The following CENPP variants were observed in gnomAD, a reference collection of about 807,000 sequenced individuals.
CENPP encodes centromere protein P.
A neutral mutation model predicts 35.6 loss-of-function variants in CENPP; 24 were observed. The ratio of observed to expected loss-of-function variants is 0.67; its 90% CI spans 0.49 to 0.95. The LOEUF (loss-of-function observed/expected upper bound fraction) is 0.95, where lower values mean the gene tolerates loss of function less well. Ranked by LOEUF, CENPP falls within the 40% of genes least tolerant of loss-of-function variation. The pLI, the probability that CENPP is intolerant of heterozygous loss-of-function variation, is 0.00. For synonymous variants in CENPP, 120 were observed against 125.5 expected (o/e 0.96, Z 0.29); for missense variants, 332 against 345.3 (o/e 0.96, Z 0.31).
chr9:92,361,313 G>A (rs566317300), intron 4 of CENPP, among the ~76,000 whole-genome samples: 5 of 151,076 alleles, frequency 3.3e-5, no homozygotes, highest in Non-Finnish European at 5.9e-5. Context: ...GCTAATTTTT[G>A]TATTGTTAGC....
At chr9:92,443,490 TTC>T (rs1414339099) in intron 5 of CENPP, among the ~76,000 whole-genome samples, 2 of 152,120 alleles carry the variant, frequency 1.3e-5, no homozygotes, top group African/African-American at 4.8e-5. Flanking sequence ...AAGATGCCAG[TTC>T]TCTCCAAAAT....
At chr9:92,418,521 A>C (rs1843688988) in intron 5 of CENPP, among the ~76,000 whole-genome samples, 1 of 152,112 alleles carries the variant, frequency 6.6e-6, no homozygotes, top group Non-Finnish European at 1.5e-5. Context: ...ATCTATGATA[A>C]TAGCATGACA....
intron 5 of CENPP, among the ~76,000 whole-genome samples, chr9:92,431,497 T>C (rs1844107812): frequency 6.6e-6 from 1 of 152,210 alleles, no homozygotes; most frequent in Non-Finnish European, 1.5e-5. Context: ...TTGAACATCT[T>C]TTCGAATGTT....
chr9:92,504,433 T>C (rs1458596932), intron 5 of CENPP, among the ~76,000 whole-genome samples: 1 of 152,184 alleles, frequency 6.6e-6, no homozygotes, highest in Non-Finnish European at 1.5e-5. Context: ...TGGATGATCA[T>C]GTGGTCTAGG....
intron 5 of CENPP, among the ~76,000 whole-genome samples, chr9:92,412,239 A>G (rs977246887): frequency 2.0e-5 from 3 of 152,040 alleles, no homozygotes; most frequent in African/African-American, 7.2e-5. Flanking sequence ...GGCATGCACC[A>G]CCATGCCTGG....
At chr9:92,541,121 C>T (rs372782012) in intron 5 of CENPP, among the ~76,000 whole-genome samples, 30 of 151,358 alleles carry the variant, frequency 2.0e-4, no homozygotes, top group African/African-American at 7.0e-4. Flanking sequence ...TAGCCAGGTG[C>T]GGTGGCGGGT....
Position 92,427,201 on chromosome 9 carries a change from C to T in CENPP, c.564+47342C>T, listed in dbSNP as rs375720484. Among the ~76,000 whole-genome samples, 20 of 152,218 alleles carry T rather than the reference C, an allele frequency of 1.3e-4. No individual in the cohort carries two copies. In the East Asian group the frequency reaches 1.9e-3, roughly 15 times the overall value. ...TGTTGTTGAGACAGTCTGGCTCTGT[C>T]GCCAAGGCTGGAGTGCAATGGCGCC... On this transcript the variant is annotated intron_variant, in intron 5 of 7. Transcript: ENST00000375587.
At chr9:92,524,125 G>A (rs1407247877) in intron 5 of CENPP, among the ~76,000 whole-genome samples, 1 of 152,154 alleles carries the variant, frequency 6.6e-6, no homozygotes, top group Non-Finnish European at 1.5e-5. Context: ...TGTGACTGAT[G>A]TAATCCACAA....
intron 5 of CENPP, among the ~76,000 whole-genome samples, chr9:92,452,702 G>T (rs1844748758): frequency 6.6e-6 from 1 of 152,158 alleles, no homozygotes; most frequent in African/African-American, 2.4e-5. Context: ...AGCTCTGGTA[G>T]AATTCGGCTG....
At chr9:92,329,629 C>A (rs1840679042) in intron 1 of CENPP, among the ~76,000 whole-genome samples, 1 of 152,112 alleles carries the variant, frequency 6.6e-6, no homozygotes, top group African/African-American at 2.4e-5. Flanking sequence ...TCACCCACCT[C>A]CCATGCTCAA....
At position 92,616,387 on chromosome 9, in the gene CENPP, T is replaced by A. The variant is rs146643723; in HGVS notation, c.*3238T>A. ...AAAGGACTGAAAGATGGAAAAGTAA[T>A]TATGTGGAACATGTGAGCGATGTTC... On this transcript the variant is annotated 3_prime_UTR_variant, in exon 8 of 8. Coordinates refer to ENST00000375587, the MANE Select transcript of CENPP (RefSeq NM_001012267.3). 616 of 229,380 alleles carry A rather than the reference T, an allele frequency of 2.7e-3. 2 individuals are homozygous for A. The highest frequency in any genetic ancestry group is 4.2e-3 in the Non-Finnish European group (488 of 115,944). The allele number at this position is 229,380 out of a possible 1,614,324, so 14.2% of individuals were successfully genotyped here. A position where few individuals can be genotyped will look rare whatever the true frequency, so the allele number is the denominator to read the frequency against.
chr9:92,403,608 A>G, intron 5 of CENPP: 9 of 1,216,402 alleles, frequency 7.4e-6, no homozygotes, highest in Middle Eastern at 3.2e-4. Context: ...AGATGCTAGC[A>G]GTTTTTATGT....
Position 92,325,960 on chromosome 9 carries a change from C to G in CENPP, c.-39C>G, listed in dbSNP as rs1046314783. ...GGGTGAAGCGCGCAGGTCGGAGTGA[C>G]AGCTGCGCTGCCGGCCCGGCTGCGG... On this transcript the variant is annotated 5_prime_UTR_variant, in exon 1 of 8. Transcript: ENST00000375587. 1 of 1,510,548 alleles carries G rather than the reference C, an allele frequency of 6.6e-7. No individual in the cohort carries two copies. Among genetic ancestry groups the G allele is most frequent in the Non-Finnish European group, 9.0e-7 (1 of 1,111,832 alleles). The allele number at this position is 1,510,548 out of a possible 1,614,324, so 93.6% of individuals were successfully genotyped here. A position where few individuals can be genotyped will look rare whatever the true frequency, so the allele number is the denominator to read the frequency against.
At chr9:92,342,654 A>G (rs1841159279) in intron 3 of CENPP, among the ~76,000 whole-genome samples, 1 of 152,344 alleles carries the variant, frequency 6.6e-6, no homozygotes, top group South Asian at 2.1e-4. Flanking sequence ...TGGAATCAAC[A>G]GGGTTTTTGG....
chr9:92,462,570 A>G (rs866080530), intron 5 of CENPP, among the ~76,000 whole-genome samples: 1 of 152,212 alleles, frequency 6.6e-6, no homozygotes, highest in East Asian at 1.9e-4. Flanking sequence ...TTTCCCTTCT[A>G]TATTAGCAAT....
intron 5 of CENPP, chr9:92,496,397 TTAATA>T (rs1846346246): frequency 6.2e-7 from 1 of 1,610,778 alleles, no homozygotes; most frequent in Non-Finnish European, 8.5e-7. Flanking sequence ...TTCTCTAATT[TTAATA>T]TAATTGTTTT....
At chr9:92,575,322 A>G (rs745422892) in intron 5 of CENPP, among the ~76,000 whole-genome samples, 1 of 152,218 alleles carries the variant, frequency 6.6e-6, no homozygotes, top group Non-Finnish European at 1.5e-5. Context: ...GGATTATAAT[A>G]CAGAATATAA....
intron 5 of CENPP, among the ~76,000 whole-genome samples, chr9:92,463,836 A>T (rs1845204018): frequency 6.6e-6 from 1 of 152,156 alleles, no homozygotes; most frequent in Non-Finnish European, 1.5e-5. Context: ...TATAGTTCTG[A>T]ATTAAACTGT....
intron 5 of CENPP, chr9:92,496,245 T>A (rs1461645858): frequency 6.6e-7 from 1 of 1,506,616 alleles, no homozygotes; most frequent in Admixed American, 2.3e-5. Context: ...TATGTCTCTC[T>A]TATTAATGAC....
Sources: gnomAD v4.1 joint callset for allele counts (sites outside exome capture counted in the v4.1 genomes callset) on GRCh38, gnomAD v4.1.1 for gene constraint, MANE v1.5 for transcripts, NCBI Gene and HGNC (gene_info 2026-07-23, HGNC 2026-07-21) for gene names.